Variants in TOX2 observed in about 807,000 individuals in gnomAD.
TOX2 encodes the protein granulosa cell HMG box 1.
A neutral mutation model predicts 47.4 loss-of-function variants in TOX2; 15 were observed. That is an observed-to-expected ratio of 0.32 (90% CI 0.21 to 0.49). TOX2 has a LOEUF of 0.49. Ranked by LOEUF, TOX2 falls within the 20% of genes least tolerant of loss-of-function variation. The pLI, the probability that TOX2 is intolerant of heterozygous loss-of-function variation, is 0.99. For synonymous variants in TOX2, 290 were observed against 296.6 expected (o/e 0.98, Z 0.23); for missense variants, 622 against 673.1 (o/e 0.92, Z 0.84).
At chr20:43,936,338 G>A (rs192974151) in intron 1 of TOX2, among the ~76,000 whole-genome samples, 47 of 152,320 alleles carry the variant, frequency 3.1e-4, no homozygotes, top group African/African-American at 1.1e-3. Flanking sequence ...TATTATCAGC[G>A]CAAATGCTCT....
At chr20:43,967,683 A>G (rs1356530542) in intron 1 of TOX2, among the ~76,000 whole-genome samples, 1 of 152,078 alleles carries the variant, frequency 6.6e-6, no homozygotes, top group Non-Finnish European at 1.5e-5. Flanking sequence ...CTATTTGTCC[A>G]TCCACCCATC....
chr20:43,986,395 T>G (rs2070266268), intron 2 of TOX2, among the ~76,000 whole-genome samples: 1 of 151,972 alleles, frequency 6.6e-6, no homozygotes, highest in Non-Finnish European at 1.5e-5. Context: ...GATTCTCCTG[T>G]CTCAGCCTCC....
intron 3 of TOX2, among the ~76,000 whole-genome samples, chr20:44,014,879 G>A (rs1366308370): frequency 1.3e-5 from 2 of 152,114 alleles, no homozygotes; most frequent in African/African-American, 4.8e-5. Flanking sequence ...TGGGGGACAG[G>A]CAGGGGAAGG....
chr20:44,015,344 C>G (rs2070861490), intron 3 of TOX2, among the ~76,000 whole-genome samples: 1 of 152,240 alleles, frequency 6.6e-6, no homozygotes, highest in Non-Finnish European at 1.5e-5. Flanking sequence ...TTTTCAAACA[C>G]TCCTGCAGGG....
intron 1 of TOX2, among the ~76,000 whole-genome samples, chr20:43,939,681 G>GCTGTGT (rs1201501107): frequency 1.1e-4 from 17 of 152,324 alleles, no homozygotes; most frequent in Admixed American, 2.0e-4. Flanking sequence ...AACTGACCCT[G>GCTGTGT]CAGCTTAGAA....
chr20:43,975,556 G>A (rs1337449310), intron 2 of TOX2, among the ~76,000 whole-genome samples: 1 of 152,160 alleles, frequency 6.6e-6, no homozygotes, highest in Non-Finnish European at 1.5e-5. Context: ...CAGACTCGGA[G>A]CTCCACAAGC....
intron 3 of TOX2, among the ~76,000 whole-genome samples, chr20:44,042,916 G>A (rs934651407): frequency 1.3e-5 from 2 of 152,204 alleles, no homozygotes; most frequent in East Asian, 1.9e-4. Context: ...GTCCTGGCTA[G>A]TGCCTGGGGT....
At chr20:44,060,462 C>T (rs1417069685) in intron 5 of TOX2, among the ~76,000 whole-genome samples, 3 of 152,134 alleles carry the variant, frequency 2.0e-5, no homozygotes, top group Non-Finnish European at 4.4e-5. Context: ...TTCTGTTCAT[C>T]AGCACATGGA....
intron 5 of TOX2, 50 bp from the exon 6 acceptor site, chr20:44,064,727 T>C (rs768684451): frequency 1.0e-5 from 16 of 1,572,854 alleles, no homozygotes; most frequent in Non-Finnish European, 8.7e-7. Flanking sequence ...CTGCACGGCA[T>C]CTCCTCTGTA....
intron 3 of TOX2, among the ~76,000 whole-genome samples, chr20:44,044,339 TG>T (rs1476791957): frequency 6.6e-6 from 1 of 151,430 alleles, no homozygotes; most frequent in Admixed American, 6.6e-5. Flanking sequence ...GATGAGTTAA[TG>T]GGTGCAGCAC....
chr20:43,927,146 A>G (rs886330203), intron 1 of TOX2, among the ~76,000 whole-genome samples: 8 of 152,198 alleles, frequency 5.3e-5, no homozygotes, highest in African/African-American at 1.9e-4. Context: ...TCAGATATTT[A>G]TAACTTATTT....
chr20:43,941,483 C>A (rs1278729970), intron 1 of TOX2, among the ~76,000 whole-genome samples: 4 of 152,054 alleles, frequency 2.6e-5, no homozygotes, highest in Non-Finnish European at 5.9e-5. Flanking sequence ...CAGGCATGTG[C>A]CACCACACCT....
intron 1 of TOX2, among the ~76,000 whole-genome samples, chr20:43,927,626 T>TTCCCTTCCCTTCC (rs2069188806): frequency 6.6e-4 from 4 of 6,074 alleles, no homozygotes; most frequent in African/African-American, 1.9e-3. Flanking sequence ...CCTTCCTTCC[T>TTCCCTTCCCTTCC]CCTTCCTTCC....
At chr20:43,980,809 T>A (rs2070156934) in intron 2 of TOX2, among the ~76,000 whole-genome samples, 1 of 152,130 alleles carries the variant, frequency 6.6e-6, no homozygotes, top group African/African-American at 2.4e-5. Context: ...AGACTTAAAA[T>A]TGGACCATAA....
At position 44,034,562 on chromosome 20, in the gene TOX2, G is replaced by A. The variant is rs73275215; in HGVS notation, c.412-16744G>A. 4.4e-3 allele frequency among the ~76,000 whole-genome samples: 668 copies of A among 152,338 alleles called. 2 individuals carry two copies. The highest frequency in any genetic ancestry group is 0.015 in the African/African-American group (634 of 41,576). On this transcript the variant is annotated intron_variant, in intron 3 of 8. Coordinates refer to ENST00000341197, the MANE Select transcript of TOX2 (RefSeq NM_001098797.2). ...TGAGGGCAGCTCAAGACAGAGGCCT[G>A]CAGAGGATGTGAGAAAGAGGCTCGA...
In TOX2 at chr20:43,948,003, C is replaced by G. The variant is rs977488398; in HGVS notation, c.100-25364C>G. Among the ~76,000 whole-genome samples, 3 of 152,194 alleles carry G rather than the reference C, an allele frequency of 2.0e-5. No individual in the cohort carries two copies. In the South Asian group the frequency reaches 6.2e-4, roughly 32 times the overall value. On this transcript the variant is annotated intron_variant, in intron 1 of 8. Transcript: ENST00000341197. ...AAGTCATGGCTCTGTTCCTTACTTG[C>G]TGTGTGACCTCAGCACAGCAACCTC...
At chr20:44,064,020 A>G (rs1256309422) in intron 5 of TOX2, among the ~76,000 whole-genome samples, 2 of 152,208 alleles carry the variant, frequency 1.3e-5, no homozygotes, top group Non-Finnish European at 2.9e-5. Flanking sequence ...GATGGTAGTG[A>G]AGGATAAAAG....
chr20:43,995,173 A>G (rs1248893295), intron 2 of TOX2, among the ~76,000 whole-genome samples: 1 of 152,102 alleles, frequency 6.6e-6, no homozygotes, highest in Non-Finnish European at 1.5e-5. Flanking sequence ...CAAAAGGCAT[A>G]ATTGTCCTGA....
chr20:43,955,974 G>A (rs2069662729), intron 1 of TOX2, among the ~76,000 whole-genome samples: 1 of 152,022 alleles, frequency 6.6e-6, no homozygotes, highest in Non-Finnish European at 1.5e-5. Context: ...TTGTGATAAG[G>A]CCCTGCTTGC....
Sources: allele counts gnomAD v4.1 joint callset (sites outside exome capture counted in the v4.1 genomes callset), GRCh38; gene constraint gnomAD v4.1.1; transcripts MANE v1.5; gene names NCBI Gene and HGNC (gene_info 2026-07-23, HGNC 2026-07-21).